Variants in EPHB1 observed in about 807,000 individuals in gnomAD.
EPHB1 encodes EPH receptor B1, also known as ephrin type-B receptor 1.
In EPHB1, 30 loss-of-function variants were observed where a neutral mutation model predicts 94.4. That is an observed-to-expected ratio of 0.32 (90% CI 0.24 to 0.43). The LOEUF (loss-of-function observed/expected upper bound fraction) is 0.43. Among genes scored for constraint, EPHB1 ranks in the 20% least tolerant of loss-of-function variants. The probability of loss-of-function intolerance (pLI) is 1.00; values close to 1 mark genes in which losing one functional copy is unlikely to be tolerated. For synonymous variants in EPHB1, 522 were observed against 489.1 expected (o/e 1.07, Z -0.89); for missense variants, 1,055 against 1,308.3 (o/e 0.81, Z 2.99).
intron 3 of EPHB1, among the ~76,000 whole-genome samples, chr3:134,969,433 C>T (rs1933887014): frequency 6.6e-6 from 1 of 152,182 alleles, no homozygotes; most frequent in Non-Finnish European, 1.5e-5. Flanking sequence ...GGAGAGGCTG[C>T]CTCTTCTCTT....
At chr3:135,218,770 G>A (rs1283013583) in intron 12 of EPHB1, among the ~76,000 whole-genome samples, 1 of 152,236 alleles carries the variant, frequency 6.6e-6, no homozygotes, top group Non-Finnish European at 1.5e-5. Context: ...AGCAAAAAAA[G>A]ACAGACATTA....
At chr3:134,989,182 A>G (rs1559784855) in intron 3 of EPHB1, among the ~76,000 whole-genome samples, 1 of 152,154 alleles carries the variant, frequency 6.6e-6, no homozygotes, top group African/African-American at 2.4e-5. Flanking sequence ...CAGGTGACAT[A>G]AATCAGAAAG....
At chr3:134,990,003 T>C (rs1376089907) in intron 3 of EPHB1, among the ~76,000 whole-genome samples, 1 of 152,230 alleles carries the variant, frequency 6.6e-6, no homozygotes, top group Non-Finnish European at 1.5e-5. Context: ...TTTTAAGGTT[T>C]ATAACTTGTT....
chr3:135,187,383 C>T (rs1942355278), intron 10 of EPHB1, among the ~76,000 whole-genome samples: 1 of 151,602 alleles, frequency 6.6e-6, no homozygotes, highest in South Asian at 2.1e-4. Context: ...AAAATGAAAA[C>T]GTTATGGCCA....
intron 4 of EPHB1, among the ~76,000 whole-genome samples, chr3:135,122,624 T>A (rs1940019215): frequency 6.6e-6 from 1 of 152,100 alleles, no homozygotes; most frequent in Non-Finnish European, 1.5e-5. Flanking sequence ...TAAGGGCTTC[T>A]GCAGCCTCAA....
At position 135,165,950 on chromosome 3, in the gene EPHB1, T is replaced by C; in HGVS notation, c.1586-18T>C. The C allele has an allele frequency of 6.2e-7, 1 of 1,603,880 alleles. No individual in the cohort carries two copies. The highest frequency in any genetic ancestry group is 1.1e-5 in the South Asian group (1 of 90,890). The stretch of plus-strand genomic sequence containing the variant: ...AAAAGGCACATGGGGAGGATTCTAA[T>C]GCCTCTTTCTCACCTAGATGATTAC... On this transcript the variant is annotated intron_variant, in intron 7 of 15. Coordinates refer to ENST00000398015, the MANE Select transcript of EPHB1 (RefSeq NM_004441.5).
At chr3:135,157,486 G>T (rs1941388059) in intron 6 of EPHB1, among the ~76,000 whole-genome samples, 1 of 152,168 alleles carries the variant, frequency 6.6e-6, no homozygotes, top group African/African-American at 2.4e-5. Flanking sequence ...CTACCTCCCT[G>T]CTTCTTAGTA....
At chr3:134,806,603 A>T (rs1007190824) in intron 1 of EPHB1, among the ~76,000 whole-genome samples, 7 of 152,340 alleles carry the variant, frequency 4.6e-5, no homozygotes, top group Middle Eastern at 6.8e-3. Flanking sequence ...GGTTGGAACA[A>T]TTAATAACTG....
chr3:135,190,267 G>A (rs115930673), intron 10 of EPHB1, among the ~76,000 whole-genome samples: 1,628 of 152,298 alleles, frequency 0.011, 14 homozygotes, highest in Middle Eastern at 0.031. Context: ...ATAGTAGGTG[G>A]TTAATAAATA....
intron 3 of EPHB1, among the ~76,000 whole-genome samples, chr3:135,009,783 C>A (rs1935556085): frequency 6.6e-6 from 1 of 152,212 alleles, no homozygotes; most frequent in African/African-American, 2.4e-5. Context: ...TTTATGGAAT[C>A]TGAGTACTAC....
intron 3 of EPHB1, 128 bp from the exon 4 acceptor site, chr3:135,106,320 C>T (rs1939216876): frequency 1.0e-6 from 1 of 999,716 alleles, no homozygotes; most frequent in Admixed American, 2.5e-5. Flanking sequence ...AACCTTAGAT[C>T]TCCCTTGGTA....
At chr3:134,926,924 G>A (rs1217031459) in intron 2 of EPHB1, among the ~76,000 whole-genome samples, 1 of 152,176 alleles carries the variant, frequency 6.6e-6, no homozygotes, top group Non-Finnish European at 1.5e-5. Context: ...GGCAATGGAT[G>A]GACTATGGCA....
At chr3:134,908,454 A>T (rs928183137) in intron 1 of EPHB1, among the ~76,000 whole-genome samples, 1 of 152,046 alleles carries the variant, frequency 6.6e-6, no homozygotes, top group Non-Finnish European at 1.5e-5. Context: ...AGGGAAGGGG[A>T]TTTGTTCCCT....
At chr3:135,048,233 T>TTC (rs1003538555) in intron 3 of EPHB1, among the ~76,000 whole-genome samples, 65 of 148,866 alleles carry the variant, frequency 4.4e-4, no homozygotes, top group African/African-American at 1.6e-3. Context: ...TCTTTTTTTT[T>TTC]TTTTCTTTTT....
chr3:135,080,588 G>A (rs1210135296), intron 3 of EPHB1, among the ~76,000 whole-genome samples: 3 of 152,106 alleles, frequency 2.0e-5, no homozygotes, highest in African/African-American at 7.2e-5. Flanking sequence ...GACAGCAGGT[G>A]TGAGAGGGGT....
intron 3 of EPHB1, among the ~76,000 whole-genome samples, chr3:135,102,878 A>C (rs573237171): frequency 1.3e-5 from 2 of 152,350 alleles, no homozygotes; most frequent in South Asian, 2.1e-4. Context: ...ACACAGAAAC[A>C]GAAAACCAAA....
chr3:135,031,307 C>G (rs1250656045), intron 3 of EPHB1, among the ~76,000 whole-genome samples: 6 of 152,040 alleles, frequency 3.9e-5, no homozygotes. Context: ...CTCTTTCTCC[C>G]TTTCTCTCTT....
chr3:134,874,440 T>A (rs2037574565), intron 1 of EPHB1, among the ~76,000 whole-genome samples: 2 of 152,196 alleles, frequency 1.3e-5, no homozygotes, highest in Non-Finnish European at 2.9e-5. Flanking sequence ...ACACGTATAC[T>A]GCAAACCTGC....
chr3:134,872,225 G>A (rs2037514804), intron 1 of EPHB1, among the ~76,000 whole-genome samples: 4 of 152,328 alleles, frequency 2.6e-5, no homozygotes, highest in Admixed American at 2.0e-4. Flanking sequence ...CTCTCCAGGA[G>A]GAAGCTGATA....
Sources: allele counts gnomAD v4.1 joint callset (sites outside exome capture counted in the v4.1 genomes callset), GRCh38; gene constraint gnomAD v4.1.1; transcripts MANE v1.5; gene names NCBI Gene and HGNC (gene_info 2026-07-23, HGNC 2026-07-21).